The following DCDC1 variants were observed in gnomAD, a reference collection of about 807,000 sequenced individuals.
DCDC1 encodes doublecortin domain-containing protein 1.
DCDC1 carries 200 observed loss-of-function variants against 178.3 expected under a neutral mutation model. The observed-to-expected ratio is 1.12, with a 90% CI of 1.00 to 1.26. The LOEUF is 1.26. Among genes scored for constraint, DCDC1 ranks in the 50% most tolerant of loss-of-function variants. The pLI is 0.00. For synonymous variants in DCDC1, 690 were observed against 604.8 expected (o/e 1.14, Z -2.07); for missense variants, 1,983 against 1,749.2 (o/e 1.13, Z -2.38).
intron 8 of DCDC1, among the ~76,000 whole-genome samples, chr11:31,261,122 C>T (rs1414497805): frequency 6.6e-6 from 1 of 152,150 alleles, no homozygotes; most frequent in African/African-American, 2.4e-5. Context: ...AATGTTAGCT[C>T]TTGCCCATTC....
At chr11:30,932,867 G>A (rs550387413) in intron 21 of DCDC1, among the ~76,000 whole-genome samples, 2 of 152,206 alleles carry the variant, frequency 1.3e-5, no homozygotes, top group African/African-American at 4.8e-5. Context: ...CAAGTTCACA[G>A]TTTGGGTAAC....
At position 31,102,257 on chromosome 11, in the gene DCDC1, T is replaced by C. The variant is rs866015041; in HGVS notation, c.1903A>G (p.Ile635Val). 4.8e-5 allele frequency: 35 copies of C among 724,324 alleles called. No homozygotes were observed. The highest frequency in any genetic ancestry group is 4.5e-4 in the Admixed American group (25 of 55,896). 44.9% of individuals were successfully genotyped at this position (724,324 alleles called of 1,614,324 possible). ...GNWEVCEGFP[I>V]NFNCTSQQIP... ...TGTTGACTGGTACAGTTGAAATTAA[T>C]TGGAAATCCCTCACAAACTTCCCAA... The change falls in exon 15 of 39, where the codon ATT becomes GTT. Residue 635 changes from isoleucine to valine, a missense_variant. Ile to Val is a conservative substitution (Grantham distance 29, BLOSUM62 3). Coordinates refer to ENST00000684477, the MANE Select transcript of DCDC1 (RefSeq NM_001387274.1).
chr11:31,253,950 T>G (rs549436718), intron 8 of DCDC1, among the ~76,000 whole-genome samples: 1 of 152,284 alleles, frequency 6.6e-6, no homozygotes, highest in African/African-American at 2.4e-5. Context: ...CTCACACTGT[T>G]GAATTAAGAA....
chr11:31,283,991 T>C (rs1946640626), intron 7 of DCDC1, among the ~76,000 whole-genome samples: 1 of 151,926 alleles, frequency 6.6e-6, no homozygotes, highest in African/African-American at 2.4e-5. Context: ...TCTCTCTCTC[T>C]CTACTACGAT....
At chr11:31,184,691 GAAATACAAATC>G (rs1969259805) in intron 9 of DCDC1, among the ~76,000 whole-genome samples, 1 of 152,182 alleles carries the variant, frequency 6.6e-6, no homozygotes, top group South Asian at 2.1e-4. Context: ...GGTCATTAGA[GAAATACAAATC>G]AAAACCACAA....
rs566600874 is a variant in DCDC1 at position 31,137,589 on chromosome 11, C to A, written c.1314+103G>T. The A allele has an allele frequency of 8.9e-4, 522 of 587,144 alleles. 6 individuals are homozygous for A. In the South Asian group the frequency reaches 9.8e-3, roughly 11 times the overall value. The allele number at this position is 587,144 out of a possible 1,614,324, so 36.4% of individuals were successfully genotyped here. A position where few individuals can be genotyped will look rare whatever the true frequency, so the allele number is the denominator to read the frequency against. On this transcript the variant is annotated intron_variant, in intron 10 of 38. Coordinates refer to ENST00000684477, the MANE Select transcript of DCDC1 (RefSeq NM_001387274.1). ...GGTCTCAAACTCCTGACCTTGTGAT[C>A]TTCCCGCCTCGGCCTCCCAAAGTGC...
chr11:31,004,501 G>A (rs971201130), intron 20 of DCDC1, among the ~76,000 whole-genome samples: 2 of 140,692 alleles, frequency 1.4e-5, no homozygotes, highest in Non-Finnish European at 3.0e-5. Context: ...GTGAAACCCC[G>A]TCTCTACTAA....
intron 9 of DCDC1, among the ~76,000 whole-genome samples, chr11:31,216,314 T>C (rs1973555222): frequency 6.6e-6 from 1 of 152,198 alleles, no homozygotes; most frequent in Non-Finnish European, 1.5e-5. Flanking sequence ...AATTGGAATT[T>C]ATAATACATA....
intron 38 of DCDC1, among the ~76,000 whole-genome samples, chr11:30,869,747 G>A (rs1941358512): frequency 6.6e-6 from 1 of 152,196 alleles, no homozygotes. Flanking sequence ...CATGGGTGGA[G>A]TGCAGAACTC....
intron 17 of DCDC1, among the ~76,000 whole-genome samples, chr11:31,079,004 G>A (rs1314944842): frequency 6.6e-6 from 1 of 152,118 alleles, no homozygotes; most frequent in African/African-American, 2.4e-5. Flanking sequence ...TTGTCTCTGT[G>A]CTGGGTTCTG....
At chr11:31,334,207 G>C (rs1950156723) in intron 2 of DCDC1, among the ~76,000 whole-genome samples, 2 of 152,128 alleles carry the variant, frequency 1.3e-5, no homozygotes, top group African/African-American at 4.8e-5. Context: ...CATAGTTCTT[G>C]TGCCATGGTT....
chr11:31,290,845 C>T lies in DCDC1; in HGVS notation c.762G>A (p.Leu254=). Residue 254 remains leucine (L), a synonymous_variant, in exon 7 of 39, where the codon CTG becomes CTA. Coordinates refer to ENST00000684477, the MANE Select transcript of DCDC1 (RefSeq NM_001387274.1). Reference sequence around the variant, plus strand: ...TCCAAGTTACTTTCTTAATTAACAACAGATGGTCTAGAAGATAATTTTTTA... The same window carrying T: ...TCCAAGTTACTTTCTTAATTAACAATAGATGGTCTAGAAGATAATTTTTTA... ...LNPFKKIKDH[L]LLIKKVTWTM... 6 of 1,610,762 alleles carry T rather than the reference C, an allele frequency of 3.7e-6. No homozygotes were observed. Among genetic ancestry groups the T allele is most frequent in the Non-Finnish European group, 4.2e-6 (5 of 1,178,702 alleles).
chr11:31,132,326 T>C (rs577753774), intron 10 of DCDC1, among the ~76,000 whole-genome samples: 35 of 152,308 alleles, frequency 2.3e-4, no homozygotes, highest in Non-Finnish European at 1.3e-4. Context: ...TTGTTCTCAG[T>C]TATTATGATA....
chr11:31,107,170 G>T (rs538882456), intron 12 of DCDC1, among the ~76,000 whole-genome samples: 2 of 152,140 alleles, frequency 1.3e-5, no homozygotes, highest in African/African-American at 2.4e-5. Context: ...TAACCAGCAG[G>T]GGGGGCCACA....
intron 20 of DCDC1, among the ~76,000 whole-genome samples, chr11:31,055,313 T>C (rs1257953156): frequency 1.3e-5 from 2 of 152,028 alleles, no homozygotes; most frequent in Non-Finnish European, 2.9e-5. Context: ...AGAATGGCCA[T>C]AATAAAAAAA....
At chr11:30,960,211 A>G (rs1002643732) in intron 20 of DCDC1, among the ~76,000 whole-genome samples, 28 of 152,292 alleles carry the variant, frequency 1.8e-4, no homozygotes, top group Non-Finnish European at 1.9e-4. Context: ...TATCTTATAT[A>G]AGCATACTTG....
At chr11:30,929,757 C>T (rs1367013595) in intron 22 of DCDC1, among the ~76,000 whole-genome samples, 2 of 151,966 alleles carry the variant, frequency 1.3e-5, no homozygotes, top group Non-Finnish European at 2.9e-5. Context: ...TCTTGTTTAA[C>T]TTACATTTCT....
intron 9 of DCDC1, among the ~76,000 whole-genome samples, chr11:31,188,561 A>G (rs1969778511): frequency 6.6e-6 from 1 of 152,204 alleles, no homozygotes; most frequent in Non-Finnish European, 1.5e-5. Context: ...TGACATTTTC[A>G]GTAGAACCAT....
At chr11:30,886,955 C>T (rs1222570140) in intron 36 of DCDC1, among the ~76,000 whole-genome samples, 1 of 151,672 alleles carries the variant, frequency 6.6e-6, no homozygotes, top group African/African-American at 2.4e-5. Flanking sequence ...TTTCTACTTA[C>T]AAACAGAAAA....
Sources: gnomAD v4.1 joint callset for allele counts (sites outside exome capture counted in the v4.1 genomes callset) on GRCh38, gnomAD v4.1.1 for gene constraint, MANE v1.5 for transcripts, NCBI Gene and HGNC (gene_info 2026-07-23, HGNC 2026-07-21) for gene names.